Variants in LRP1B observed in about 807,000 individuals in gnomAD.
The protein encoded by LRP1B is low-density lipoprotein receptor-related protein 1B.
In LRP1B, 217 loss-of-function variants were observed where a neutral mutation model predicts 556.6. That is an observed-to-expected ratio of 0.39 (90% confidence interval 0.35 to 0.44). The LOEUF is 0.44. Among genes scored for constraint, LRP1B ranks in the 20% least tolerant of loss-of-function variants. LRP1B has a pLI of 1.00. For synonymous variants in LRP1B, 2,047 were observed against 1,865.8 expected (o/e 1.10, Z -2.50); for missense variants, 5,053 against 5,620.8 (o/e 0.90, Z 3.23).
At chr2:141,316,757 T>C (rs914191781) in intron 3 of LRP1B, among the ~76,000 whole-genome samples, 1 of 152,208 alleles carries the variant, frequency 6.6e-6, no homozygotes, top group African/African-American at 2.4e-5. Flanking sequence ...TTGACCATCT[T>C]TTGATGTGGC....
chr2:141,982,983 AG>A (rs1449375817), intron 1 of LRP1B, among the ~76,000 whole-genome samples: 3 of 152,232 alleles, frequency 2.0e-5, no homozygotes, highest in Non-Finnish European at 4.4e-5. Context: ...TTCACATTTA[AG>A]AAAAAATGTA....
chr2:140,235,669 T>C (rs1482165122), intron 89 of LRP1B, among the ~76,000 whole-genome samples: 1 of 151,134 alleles, frequency 6.6e-6, no homozygotes, highest in East Asian at 2.0e-4. Context: ...TCTAAGTACA[T>C]TAAAATATAT....
intron 7 of LRP1B, among the ~76,000 whole-genome samples, chr2:141,119,990 ATTTTG>A (rs1023602473): frequency 8.6e-5 from 13 of 151,906 alleles, no homozygotes; most frequent in Admixed American, 1.3e-4. Context: ...AAAAAGTTTT[ATTTTG>A]TTTTATTTTT....
At chr2:140,846,479 C>A (rs1452788157) in intron 29 of LRP1B, among the ~76,000 whole-genome samples, 1 of 152,006 alleles carries the variant, frequency 6.6e-6, no homozygotes, top group Non-Finnish European at 1.5e-5. Flanking sequence ...ATCACTTGAA[C>A]CCAGGAGGAG....
rs1050427333 is a variant in LRP1B, at chr2:140,287,356, G to A, written c.12967+10452C>T. On this transcript the variant is annotated intron_variant, in intron 84 of 90. Coordinates refer to ENST00000389484, the MANE Select transcript of LRP1B (RefSeq NM_018557.3). Reference sequence around the variant, plus strand: ...AATTCTAGTTCTTCATGGTCTAGAGGTACCACAGAAATGACCTTAATTCTT... The same window carrying A: ...AATTCTAGTTCTTCATGGTCTAGAGATACCACAGAAATGACCTTAATTCTT... Among the ~76,000 whole-genome samples the A allele has an allele frequency of 2.0e-5, 3 of 151,814 alleles. No individual in the cohort carries two copies. The East Asian group carries it at 5.9e-4, about 30-fold the overall frequency.
chr2:141,055,276 A>G lies in LRP1B; in HGVS notation c.1409-17T>C, dbSNP rs2105456303. 1 of 1,597,334 alleles carries G rather than the reference A, an allele frequency of 6.3e-7. No individual in the cohort carries two copies. Among genetic ancestry groups the G allele is most frequent in the African/African-American group, 1.3e-5 (1 of 74,200 alleles). Reference sequence around the variant, plus strand: ...GGCTTCTGACTACAACAAATAAAAAACAGCATGCGTGAAATTCAAGTTCAA... The same window carrying G: ...GGCTTCTGACTACAACAAATAAAAAGCAGCATGCGTGAAATTCAAGTTCAA... On this transcript the variant is annotated splice_polypyrimidine_tract_variant and intron_variant, in intron 9 of 90. Transcript: ENST00000389484.
At chr2:141,242,896 T>C (rs1193407042) in intron 5 of LRP1B, among the ~76,000 whole-genome samples, 1 of 152,094 alleles carries the variant, frequency 6.6e-6, no homozygotes, top group Admixed American at 6.6e-5. Context: ...CACCATTGAC[T>C]ATTATTTTTA....
chr2:142,004,157 A>G (rs1048013593), intron 1 of LRP1B, among the ~76,000 whole-genome samples: 1 of 152,184 alleles, frequency 6.6e-6, no homozygotes, highest in Admixed American at 6.5e-5. Context: ...AATTTACAGG[A>G]ATGAAGAACT....
chr2:140,570,168 A>G (rs1023599153), intron 43 of LRP1B, among the ~76,000 whole-genome samples: 3 of 151,762 alleles, frequency 2.0e-5, no homozygotes, highest in East Asian at 3.8e-4. Context: ...GTAGAAGGAT[A>G]GAAATACTAT....
chr2:141,544,327 TCTTC>T (rs1213177406), intron 2 of LRP1B, among the ~76,000 whole-genome samples: 63 of 61,666 alleles, frequency 1.0e-3, no homozygotes, highest in East Asian at 7.2e-3. Flanking sequence ...TTCTTCTTCT[TCTTC>T]TTCTTCTTCT....
chr2:140,640,383 CTTTTT>C (rs70988414), intron 41 of LRP1B, among the ~76,000 whole-genome samples: 2 of 48,462 alleles, frequency 4.1e-5, no homozygotes, highest in Non-Finnish European at 7.1e-5. Context: ...GTCCTGTTTT[CTTTTT>C]TTTTTTTTTT....
intron 10 of LRP1B, among the ~76,000 whole-genome samples, chr2:141,053,069 C>T (rs996250751): frequency 6.6e-6 from 1 of 151,952 alleles, no homozygotes; most frequent in African/African-American, 2.4e-5. Context: ...TGATTTTCCC[C>T]ATTATTTTCT....
chr2:142,037,735 G>A (rs970882858), intron 1 of LRP1B, among the ~76,000 whole-genome samples: 1 of 151,554 alleles, frequency 6.6e-6, no homozygotes, highest in African/African-American at 2.4e-5. Flanking sequence ...AAATGAAAAT[G>A]GTAGACTAGA....
intron 35 of LRP1B, among the ~76,000 whole-genome samples, chr2:140,765,664 G>C (rs1689077661): frequency 6.6e-6 from 1 of 151,862 alleles, no homozygotes; most frequent in Non-Finnish European, 1.5e-5. Context: ...ATCCAGAATT[G>C]CTTCATCTGG....
chr2:141,007,340 CTAAAG>C lies in LRP1B; in HGVS notation c.2381-1888_2381-1884del, dbSNP rs1477441581. Among the ~76,000 whole-genome samples, 5 of 151,798 alleles carry C rather than the reference CTAAAG, an allele frequency of 3.3e-5. No individual in the cohort carries two copies. In the South Asian group the frequency reaches 1.0e-3, roughly 32 times the overall value. Reference sequence around the variant, plus strand: ...GTGCCCGTAGATCAGAACAAATGACCTAAAGTATATTATCATTTCATTATCTTGAA... The same window carrying C: ...GTGCCCGTAGATCAGAACAAATGACCTATATTATCATTTCATTATCTTGAA... On this transcript the variant is annotated intron_variant, in intron 14 of 90. Transcript: ENST00000389484.
At chr2:140,784,122 T>C (rs1689801435) in intron 32 of LRP1B, among the ~76,000 whole-genome samples, 2 of 152,120 alleles carry the variant, frequency 1.3e-5, no homozygotes, top group Non-Finnish European at 2.9e-5. Flanking sequence ...GTGCCACCCC[T>C]AGAGATTGTC....
At chr2:141,986,942 C>T (rs1298778391) in intron 1 of LRP1B, among the ~76,000 whole-genome samples, 2 of 151,946 alleles carry the variant, frequency 1.3e-5, no homozygotes, top group Non-Finnish European at 2.9e-5. Context: ...CTGTGTTGTA[C>T]CACTTATTAT....
chr2:141,135,590 A>C (rs953338439), intron 7 of LRP1B, among the ~76,000 whole-genome samples: 2 of 151,996 alleles, frequency 1.3e-5, no homozygotes, highest in Non-Finnish European at 2.9e-5. Flanking sequence ...TTCCTCATTG[A>C]GCGATCTAGT....
At chr2:140,406,142 T>C (rs1392786092) in intron 66 of LRP1B, among the ~76,000 whole-genome samples, 4 of 152,104 alleles carry the variant, frequency 2.6e-5, no homozygotes, top group African/African-American at 9.7e-5. Flanking sequence ...AATCTAACAT[T>C]GGTTTATGAT....
Sources: gnomAD v4.1 joint callset for allele counts (sites outside exome capture counted in the v4.1 genomes callset) on GRCh38, gnomAD v4.1.1 for gene constraint, MANE v1.5 for transcripts, NCBI Gene and HGNC (gene_info 2026-07-23, HGNC 2026-07-21) for gene names.